The following LPP variants were observed in gnomAD, a reference collection of about 807,000 sequenced individuals.
LPP encodes the protein lipoma-preferred partner.
In LPP, 38 loss-of-function variants were observed where a neutral mutation model predicts 60.4. The observed-to-expected ratio is 0.63, with a 90% CI of 0.49 to 0.83. LPP has a LOEUF of 0.83. Among genes scored for constraint, LPP ranks in the 40% least tolerant of loss-of-function variants. LPP has a pLI of 0.00. For synonymous variants in LPP, 328 were observed against 290.8 expected, an observed-to-expected ratio of 1.13 and a Z score of -1.30; for missense variants, 902 against 783.6, an observed-to-expected ratio of 1.15 and a Z score of -1.80.
intron 2 of LPP, among the ~76,000 whole-genome samples, chr3:188,336,521 A>G (rs562700824): frequency 6.6e-6 from 1 of 152,298 alleles, no homozygotes; most frequent in South Asian, 2.1e-4. Flanking sequence ...ATGAGGCACC[A>G]TGTAGTAGTG....
intron 3 of LPP, among the ~76,000 whole-genome samples, chr3:188,383,650 A>G (rs1286301038): frequency 6.6e-6 from 1 of 152,134 alleles, no homozygotes; most frequent in Non-Finnish European, 1.5e-5. Context: ...ACCTCTCCTT[A>G]CTTTTCCTTC....
intron 7 of LPP, among the ~76,000 whole-genome samples, chr3:188,692,854 T>C (rs1862420360): frequency 6.6e-6 from 1 of 152,240 alleles, no homozygotes; most frequent in Non-Finnish European, 1.5e-5. Flanking sequence ...TCCGAATGAC[T>C]TTCTATGCAA....
chr3:188,809,298 C>A (rs550470143), intron 9 of LPP, among the ~76,000 whole-genome samples: 10 of 152,254 alleles, frequency 6.6e-5, no homozygotes, highest in South Asian at 2.1e-4. Context: ...ACATTCCCAA[C>A]AACAGTGTAA....
At chr3:188,208,888 CT>C (rs1733986051) in intron 1 of LPP, among the ~76,000 whole-genome samples, 1 of 152,190 alleles carries the variant, frequency 6.6e-6, no homozygotes, top group African/African-American at 2.4e-5. Flanking sequence ...GACCTCACTG[CT>C]TTTTGTATTT....
intron 8 of LPP, among the ~76,000 whole-genome samples, chr3:188,724,029 C>G (rs1006423251): frequency 6.6e-6 from 1 of 152,052 alleles, no homozygotes; most frequent in African/African-American, 2.4e-5. Flanking sequence ...TAGAGGTTCT[C>G]TAGTCTGATT....
chr3:188,158,036 G>A (rs1442650880), intron 1 of LPP, among the ~76,000 whole-genome samples: 2 of 152,134 alleles, frequency 1.3e-5, no homozygotes, highest in Non-Finnish European at 2.9e-5. Context: ...GATAGGGGCC[G>A]TTAAGTGGTT....
chr3:188,732,071 C>T (rs1429152262), intron 8 of LPP, among the ~76,000 whole-genome samples: 1 of 152,124 alleles, frequency 6.6e-6, no homozygotes, highest in African/African-American at 2.4e-5. Context: ...CGTAGTCTTT[C>T]GTTTCCTGAG....
intron 4 of LPP, among the ~76,000 whole-genome samples, chr3:188,448,587 C>A (rs918468360): frequency 6.6e-6 from 1 of 152,062 alleles, no homozygotes; most frequent in African/African-American, 2.4e-5. Context: ...GGGGACCAAT[C>A]AGAAAGACGA....
intron 2 of LPP, among the ~76,000 whole-genome samples, chr3:188,310,217 CTT>C (rs556392757): frequency 4.5e-5 from 6 of 133,632 alleles, no homozygotes; most frequent in Non-Finnish European, 3.3e-5. Flanking sequence ...AGTTGTCTTT[CTT>C]TTTTTTTTTT....
chr3:188,389,399 C>A (rs929198232), intron 3 of LPP, among the ~76,000 whole-genome samples: 2 of 152,128 alleles, frequency 1.3e-5, no homozygotes, highest in Non-Finnish European at 1.5e-5. Context: ...CTAACCTGAC[C>A]GCTTGACAGT....
intron 4 of LPP, among the ~76,000 whole-genome samples, chr3:188,460,230 A>G (rs528140468): frequency 5.9e-5 from 9 of 152,136 alleles, no homozygotes; most frequent in Non-Finnish European, 1.2e-4. Context: ...ACTTGCTGCA[A>G]TTGGAGTGCA....
chr3:188,663,079 G>A (rs1448130823), intron 7 of LPP, among the ~76,000 whole-genome samples: 1 of 152,204 alleles, frequency 6.6e-6, no homozygotes, highest in Non-Finnish European at 1.5e-5. Context: ...AGTCCAAAGG[G>A]AAAGAAGAAA....
chr3:188,510,685 C>A (rs966631600), intron 5 of LPP, among the ~76,000 whole-genome samples: 2 of 152,174 alleles, frequency 1.3e-5, no homozygotes, highest in Non-Finnish European at 2.9e-5. Context: ...CACAGCTGAC[C>A]CTTTGAGTCT....
chr3:188,577,774 T>TTCCTTCCTTCCTTCCC (rs1835054134), intron 6 of LPP, among the ~76,000 whole-genome samples: 1 of 136,694 alleles, frequency 7.3e-6, no homozygotes, highest in Non-Finnish European at 1.6e-5. Flanking sequence ...CCTTCCTTCC[T>TTCCTTCCTTCCTTCCC]TCCTTCTGTC....
chr3:188,336,302 T>C (rs779095937), intron 2 of LPP, among the ~76,000 whole-genome samples: 12 of 152,014 alleles, frequency 7.9e-5, no homozygotes, highest in Non-Finnish European at 1.8e-4. Context: ...GGGTTACAGG[T>C]TCACTCTCTG....
chr3:188,611,728 A>G (rs1843753537), intron 7 of LPP, among the ~76,000 whole-genome samples: 1 of 152,198 alleles, frequency 6.6e-6, no homozygotes, highest in South Asian at 2.1e-4. Flanking sequence ...AGAGAAAGCA[A>G]AACTATGTGT....
chr3:188,698,752 C>T (rs1577080229), intron 7 of LPP, among the ~76,000 whole-genome samples: 1 of 152,188 alleles, frequency 6.6e-6, no homozygotes, highest in Admixed American at 6.5e-5. Flanking sequence ...CTTTACTTTA[C>T]TATTTGTCTT....
intron 6 of LPP, among the ~76,000 whole-genome samples, chr3:188,594,040 C>T (rs755478877): frequency 3.3e-5 from 5 of 152,096 alleles, no homozygotes; most frequent in Non-Finnish European, 7.3e-5. Flanking sequence ...CTTAGTGCTC[C>T]CATGTTCTAA....
At position 188,178,332 on chromosome 3, in the gene LPP, C is replaced by T. The variant is rs557597929; in HGVS notation, c.-190+24080C>T. On this transcript the variant is annotated intron_variant, in intron 1 of 11. Transcript: ENST00000617246. ...CTGGAAGTCCTAGTTCTCCTCCTCA[C>T]GCTGAGACCCAGGTAGGGTGATTGT... is the stretch of plus-strand genomic sequence containing the variant. Among the ~76,000 whole-genome samples the T allele has an allele frequency of 7.2e-5, 11 of 152,354 alleles. No individual in the cohort carries two copies. The South Asian group carries it at 1.7e-3, about 23-fold the overall frequency.
Sources: gnomAD v4.1 joint callset for allele counts (sites outside exome capture counted in the v4.1 genomes callset) on GRCh38, gnomAD v4.1.1 for gene constraint, MANE v1.5 for transcripts, NCBI Gene and HGNC (gene_info 2026-07-23, HGNC 2026-07-21) for gene names.